Variants in SIL1 observed in about 807,000 individuals in gnomAD.
SIL1 encodes nucleotide exchange factor SIL1.
Under a neutral mutation model 49.1 loss-of-function variants are expected in SIL1, and 40 were observed. The ratio of observed to expected loss-of-function variants is 0.81; its 90% confidence interval spans 0.63 to 1.06. SIL1 has a LOEUF of 1.06. Among genes scored for constraint, SIL1 ranks in the 50% least tolerant of loss-of-function variants. SIL1 has a pLI of 0.00. For synonymous variants in SIL1, 253 were observed against 250.8 expected, an observed-to-expected ratio of 1.01 and a Z score of -0.08; for missense variants, 500 against 572.6, an observed-to-expected ratio of 0.87 and a Z score of 1.29.
At chr5:139,004,110 C>T (rs1374198026) in intron 7 of SIL1, among the ~76,000 whole-genome samples, 2 of 152,202 alleles carry the variant, frequency 1.3e-5, no homozygotes, top group Non-Finnish European at 2.9e-5. Context: ...TTCCCTCTTT[C>T]CCCACTCCTG....
intron 3 of SIL1, among the ~76,000 whole-genome samples, chr5:139,114,826 T>C (rs1298483436): frequency 1.3e-5 from 2 of 152,252 alleles, no homozygotes; most frequent in African/African-American, 2.4e-5. Flanking sequence ...TTCTTCTATT[T>C]AGCCCCTGCC....
intron 7 of SIL1, among the ~76,000 whole-genome samples, chr5:138,983,852 C>G (rs1015838179): frequency 6.6e-6 from 1 of 151,914 alleles, no homozygotes; most frequent in Non-Finnish European, 1.5e-5. Flanking sequence ...TAGACAAGAG[C>G]TTCCTCTGCT....
chr5:139,114,092 A>G (rs953092030), intron 3 of SIL1, among the ~76,000 whole-genome samples: 1 of 152,244 alleles, frequency 6.6e-6, no homozygotes, highest in Non-Finnish European at 1.5e-5. Context: ...CACAGATTGC[A>G]AACTGGACCC....
chr5:139,002,240 C>T (rs1213961144), intron 7 of SIL1, among the ~76,000 whole-genome samples: 1 of 151,548 alleles, frequency 6.6e-6, no homozygotes, highest in Non-Finnish European at 1.5e-5. Flanking sequence ...ATGATACACA[C>T]CAAATTCAGA....
chr5:138,973,201 TAA>T (rs5871690), intron 7 of SIL1, among the ~76,000 whole-genome samples: 15 of 105,364 alleles, frequency 1.4e-4, no homozygotes, highest in Admixed American at 2.1e-4. Flanking sequence ...TTGAAGTATT[TAA>T]AAAAAAAAAA....
chr5:139,144,443 T>C (rs2151802878), intron 1 of SIL1, among the ~76,000 whole-genome samples: 1 of 152,306 alleles, frequency 6.6e-6, no homozygotes, highest in Non-Finnish European at 1.5e-5. Context: ...AGTGTGGTAA[T>C]GATGTAAGGA....
chr5:139,140,099 G>A (rs193118956), intron 1 of SIL1, among the ~76,000 whole-genome samples: 8 of 152,160 alleles, frequency 5.3e-5, no homozygotes, highest in Non-Finnish European at 8.8e-5. Flanking sequence ...GTGAAACCCC[G>A]TCTCTACTAA....
intron 1 of SIL1, among the ~76,000 whole-genome samples, chr5:139,176,888 T>C (rs1447732027): frequency 4.0e-5 from 6 of 150,742 alleles, no homozygotes; most frequent in Non-Finnish European, 4.4e-5. Context: ...AAGTAAATAG[T>C]CCAAGGTCAC....
At chr5:139,145,625 G>A (rs1355508484) in intron 1 of SIL1, among the ~76,000 whole-genome samples, 1 of 114,260 alleles carries the variant, frequency 8.8e-6, no homozygotes. Context: ...TGTGGGTGTG[G>A]GGGCGTGTGT....
At chr5:139,023,233 C>A (rs184615162) in intron 6 of SIL1, among the ~76,000 whole-genome samples, 19 of 152,296 alleles carry the variant, frequency 1.2e-4, no homozygotes, top group African/African-American at 3.6e-4. Flanking sequence ...TGGGCCCCCC[C>A]CTGGTGACAT....
chr5:139,003,895 C>T (rs1325582049), intron 7 of SIL1, among the ~76,000 whole-genome samples: 4 of 152,294 alleles, frequency 2.6e-5, no homozygotes, highest in African/African-American at 7.2e-5. Flanking sequence ...AACAGGCACA[C>T]CTGAAATAAC....
Position 139,025,321 on chromosome 5 carries a change from C to T in SIL1, c.645+1480G>A, listed in dbSNP as rs547571905. ...AGAGTTTAGGGTCAGACAGACCTTGCTGCAAATTCCAGCTCTACCACTCAC... is the reference window on the plus strand; with the variant it reads ...AGAGTTTAGGGTCAGACAGACCTTGTTGCAAATTCCAGCTCTACCACTCAC... On this transcript the variant is annotated intron_variant, in intron 6 of 9. Transcript: ENST00000394817. Among the ~76,000 whole-genome samples, 15 of 152,274 alleles carry T rather than the reference C, an allele frequency of 9.9e-5. No individual in the cohort carries two copies. In the East Asian group the frequency reaches 2.7e-3, roughly 27 times the overall value.
chr5:138,961,599 T>G (rs1353201183), intron 7 of SIL1, among the ~76,000 whole-genome samples: 1 of 152,062 alleles, frequency 6.6e-6, no homozygotes, highest in Admixed American at 6.5e-5. Flanking sequence ...CTCACCCATC[T>G]GGTGCTCCTG....
intron 3 of SIL1, among the ~76,000 whole-genome samples, chr5:139,053,515 C>T (rs1200430871): frequency 6.6e-6 from 1 of 152,196 alleles, no homozygotes; most frequent in African/African-American, 2.4e-5. Context: ...TGCTTCAAAC[C>T]TTTTCATGGC....
intron 7 of SIL1, among the ~76,000 whole-genome samples, chr5:139,008,367 T>C (rs1425259235): frequency 2.9e-5 from 4 of 138,682 alleles, no homozygotes; most frequent in Admixed American, 7.1e-5. Context: ...TCTTTATTAG[T>C]CTTGCTAGCG....
chr5:139,011,211 G>C (rs1768261129), intron 7 of SIL1, among the ~76,000 whole-genome samples: 1 of 151,182 alleles, frequency 6.6e-6, no homozygotes, highest in Non-Finnish European at 1.5e-5. Flanking sequence ...ATTCGGGTGG[G>C]AGTGACCCGA....
chr5:139,159,895 A>G (rs1751476397), intron 1 of SIL1, among the ~76,000 whole-genome samples: 1 of 152,212 alleles, frequency 6.6e-6, no homozygotes. Flanking sequence ...AAATAAAAAG[A>G]GATGCAAGTA....
At chr5:139,139,100 G>A (rs1047421626) in intron 1 of SIL1, among the ~76,000 whole-genome samples, 6 of 152,182 alleles carry the variant, frequency 3.9e-5, no homozygotes, top group African/African-American at 1.2e-4. Context: ...GGAACAGCCG[G>A]GGCAAATGCA....
chr5:139,112,373 C>T (rs1266871202), intron 3 of SIL1, among the ~76,000 whole-genome samples: 18 of 152,056 alleles, frequency 1.2e-4, no homozygotes, highest in African/African-American at 3.4e-4. Context: ...CGCCTCTTCC[C>T]GGCTGCCATC....
Sources: gnomAD v4.1 joint callset for allele counts (sites outside exome capture counted in the v4.1 genomes callset) on GRCh38, gnomAD v4.1.1 for gene constraint, MANE v1.5 for transcripts, NCBI Gene and HGNC (gene_info 2026-07-23, HGNC 2026-07-21) for gene names.